Variants in ACSL3 observed in about 807,000 individuals in gnomAD.
ACSL3 encodes fatty acid CoA ligase Acsl3.
ACSL3 carries 34 observed loss-of-function variants against 84.7 expected under a neutral mutation model. The ratio of observed to expected loss-of-function variants is 0.40; its 90% CI spans 0.31 to 0.53. ACSL3 has a LOEUF of 0.53. ACSL3 is among the 20% of genes least tolerant of loss of function. The probability of loss-of-function intolerance (pLI) is 0.48; values close to 1 mark genes in which losing one functional copy is unlikely to be tolerated. For synonymous variants in ACSL3, 315 were observed against 299.4 expected, an observed-to-expected ratio of 1.05 and a Z score of -0.54; for missense variants, 680 against 873.1, an observed-to-expected ratio of 0.78 and a Z score of 2.79.
chr2:222,886,977 C>G (rs1559282385), intron 1 of ACSL3, among the ~76,000 whole-genome samples: 1 of 152,134 alleles, frequency 6.6e-6, no homozygotes, highest in Non-Finnish European at 1.5e-5. Context: ...TAGTACTGTA[C>G]CCTCCGCAGG....
intron 1 of ACSL3, among the ~76,000 whole-genome samples, chr2:222,874,812 A>T (rs1054927462): frequency 6.6e-6 from 1 of 152,154 alleles, no homozygotes; most frequent in Non-Finnish European, 1.5e-5. Flanking sequence ...TAGAAATTTT[A>T]TAGATTTACA....
rs866149070 is a variant in ACSL3 at position 222,933,434 on chromosome 2, G to A, written c.1847+154G>A. 5.9e-5 allele frequency: 32 copies of A among 544,364 alleles called. No homozygotes were observed. In the South Asian group the frequency reaches 8.0e-4, roughly 14 times the overall value. 33.7% of individuals were successfully genotyped at this position (544,364 alleles called of 1,614,324 possible). A position where few individuals can be genotyped will look rare whatever the true frequency, so the allele number is the denominator to read the frequency against. On this transcript the variant is annotated intron_variant, in intron 15 of 16. Coordinates refer to ENST00000357430, the MANE Select transcript of ACSL3 (RefSeq NM_004457.5). ...CTCCTTCTCATTGCAGCCATTAGCT[G>A]ACTCTTTTCCTTGTAAGGCTTCCCC...
chr2:222,905,919 A>G (rs567497993), intron 3 of ACSL3, among the ~76,000 whole-genome samples: 4 of 148,708 alleles, frequency 2.7e-5, no homozygotes, highest in Non-Finnish European at 4.5e-5. Flanking sequence ...CTTTGAACAT[A>G]TTTATAATAG....
intron 9 of ACSL3, 41 bp downstream of exon 9, chr2:222,922,872 A>G: frequency 6.2e-7 from 1 of 1,611,086 alleles, no homozygotes; most frequent in South Asian, 1.1e-5. Context: ...AAAAAATCAT[A>G]GTGAATTGTA....
chr2:222,892,894 T>G (rs547134851), intron 2 of ACSL3, among the ~76,000 whole-genome samples: 1 of 152,180 alleles, frequency 6.6e-6, no homozygotes, highest in African/African-American at 2.4e-5. Flanking sequence ...CAGAATTGTT[T>G]CCCATTTATT....
intron 4 of ACSL3, among the ~76,000 whole-genome samples, chr2:222,915,845 A>C (rs1287604627): frequency 6.6e-6 from 1 of 152,228 alleles, no homozygotes; most frequent in African/African-American, 2.4e-5. Flanking sequence ...GCTTGGATAG[A>C]GAAAGTTTCT....
Position 222,924,471 on chromosome 2 carries a change from A to T in ACSL3, c.1168A>T (p.Ile390Phe). Reference protein sequence around the residue: ...MAAVPEIMDRIYKNVMNKVSE... With the variant: ...MAAVPEIMDRFYKNVMNKVSE... ...ATACATTTAGGAAATCATGGATCGG[A>T]TCTACAAAAATGTCATGAATAAAGT... Residue 390 changes from isoleucine to phenylalanine, a missense_variant, in exon 11 of 17, where the codon ATC becomes TTC. Transcript: ENST00000357430. 6.2e-7 allele frequency: 1 copy of T among 1,605,564 alleles called. No individual in the cohort carries two copies. The highest frequency in any genetic ancestry group is 2.2e-5 in the East Asian group (1 of 44,588).
At chr2:222,864,671 T>G (rs906642805) in intron 1 of ACSL3, among the ~76,000 whole-genome samples, 2 of 152,154 alleles carry the variant, frequency 1.3e-5, no homozygotes, top group Non-Finnish European at 2.9e-5. Context: ...AGAAACTGTT[T>G]CCAATAGGTT....
intron 6 of ACSL3, among the ~76,000 whole-genome samples, chr2:222,918,445 A>G (rs1345376098): frequency 6.6e-6 from 1 of 151,908 alleles, no homozygotes; most frequent in East Asian, 1.9e-4. Context: ...TACTTTTAGT[A>G]AATTTGTAAT....
chr2:222,915,382 C>T (rs1696551919), intron 4 of ACSL3, among the ~76,000 whole-genome samples: 2 of 152,238 alleles, frequency 1.3e-5, no homozygotes, highest in Middle Eastern at 3.4e-3. Flanking sequence ...TTTTATCCAA[C>T]CTCTTCTAGA....
intron 16 of ACSL3, among the ~76,000 whole-genome samples, chr2:222,936,489 T>C (rs1305771225): frequency 6.6e-6 from 1 of 152,156 alleles, no homozygotes; most frequent in African/African-American, 2.4e-5. Flanking sequence ...TGATTTGCAT[T>C]TCTCTTTTTA....
chr2:222,862,222 A>C (rs756076285), intron 1 of ACSL3, among the ~76,000 whole-genome samples: 2 of 152,246 alleles, frequency 1.3e-5, no homozygotes, highest in African/African-American at 4.8e-5. Flanking sequence ...CACTGTTAAC[A>C]GTCCTCTGGG....
intron 4 of ACSL3, among the ~76,000 whole-genome samples, chr2:222,912,170 G>GTACAAGTAGTTTTTCTT (rs1696459557): frequency 6.6e-6 from 1 of 152,188 alleles, no homozygotes; most frequent in Non-Finnish European, 1.5e-5. Context: ...AGTTTCTCTT[G>GTACAAGTAGTTTTTCTT]GCCATACTCA....
At chr2:222,872,897 A>G (rs1695341459) in intron 1 of ACSL3, among the ~76,000 whole-genome samples, 1 of 152,076 alleles carries the variant, frequency 6.6e-6, no homozygotes, top group Admixed American at 6.6e-5. Flanking sequence ...GAAGGGCAGG[A>G]GTTTGTGCAG....
chr2:222,938,867 C>G (rs1293317059), intron 16 of ACSL3, among the ~76,000 whole-genome samples: 1 of 152,000 alleles, frequency 6.6e-6, no homozygotes, highest in Non-Finnish European at 1.5e-5. Context: ...TTCATAGATT[C>G]TTTTTTCTAC....
At chr2:222,921,090 A>G in intron 7 of ACSL3, 190 bp from the exon 8 acceptor site, 1 of 706,608 alleles carries the variant, frequency 1.4e-6, no homozygotes, top group Non-Finnish European at 2.6e-6. Context: ...TGTATATCTC[A>G]ATAGAATATA....
chr2:222,888,571 C>T (rs1332150377), intron 2 of ACSL3, among the ~76,000 whole-genome samples: 2 of 152,078 alleles, frequency 1.3e-5, no homozygotes, highest in African/African-American at 2.4e-5. Context: ...AATCTCATTT[C>T]GAAGTCTTTT....
intron 4 of ACSL3, among the ~76,000 whole-genome samples, chr2:222,911,725 G>A (rs909366809): frequency 3.3e-5 from 5 of 152,184 alleles, no homozygotes; most frequent in African/African-American, 9.7e-5. Context: ...TTCCTAATTC[G>A]TGTATCAGTA....
chr2:222,923,068 T>A lies in ACSL3; in HGVS notation c.1081-10T>A, dbSNP rs1696783089. 2.5e-6 allele frequency: 4 copies of A among 1,606,336 alleles called. No individual in the cohort carries two copies. Among genetic ancestry groups the A allele is most frequent in the Non-Finnish European group, 3.4e-6 (4 of 1,173,406 alleles). On this transcript the variant is annotated splice_polypyrimidine_tract_variant and intron_variant, in intron 9 of 16. Transcript: ENST00000357430. The stretch of plus-strand genomic sequence containing the variant: ...TCACTTTATATGGATCACTTTTTCT[T>A]ATTTTGTAGTCTTCAAAAATTAAAA...
Sources: gnomAD v4.1 joint callset for allele counts (sites outside exome capture counted in the v4.1 genomes callset) on GRCh38, gnomAD v4.1.1 for gene constraint, MANE v1.5 for transcripts, NCBI Gene and HGNC (gene_info 2026-07-23, HGNC 2026-07-21) for gene names.